The following DPP10 variants were observed in gnomAD, a reference collection of about 807,000 sequenced individuals.
DPP10 encodes the protein dipeptidyl peptidase like 10.
Under a neutral mutation model 120.9 loss-of-function variants are expected in DPP10, and 33 were observed. The ratio of observed to expected loss-of-function variants is 0.27; its 90% CI spans 0.21 to 0.37. DPP10 has a LOEUF of 0.37. Ranked by LOEUF, DPP10 falls within the 10% of genes least tolerant of loss-of-function variation. DPP10 has a pLI of 1.00. For missense variants in DPP10, 816 were observed against 942.8 expected (o/e 0.87, Z 1.76); for synonymous variants, 337 against 326.1 (o/e 1.03, Z -0.36).
At chr2:115,431,982 C>T (rs573956983) in intron 3 of DPP10, among the ~76,000 whole-genome samples, 6 of 152,066 alleles carry the variant, frequency 3.9e-5, no homozygotes, top group East Asian at 3.9e-4. Context: ...CCAAGGGAAA[C>T]GGGAAATCTG....
At chr2:115,220,177 C>T (rs2057062546) in intron 1 of DPP10, among the ~76,000 whole-genome samples, 1 of 151,840 alleles carries the variant, frequency 6.6e-6, no homozygotes, top group Admixed American at 6.6e-5. Context: ...TGTTCCAAAC[C>T]AGATTATCTA....
At chr2:114,615,416 G>C (rs564204740) in intron 1 of DPP10, among the ~76,000 whole-genome samples, 18 of 152,180 alleles carry the variant, frequency 1.2e-4, no homozygotes, top group South Asian at 8.3e-4. Flanking sequence ...CTTTAAAATA[G>C]AGTTAAGCAG....
chr2:114,448,471 T>G (rs779142569), intron 1 of DPP10, among the ~76,000 whole-genome samples: 9 of 152,160 alleles, frequency 5.9e-5, no homozygotes. Context: ...TAAGCTAAGA[T>G]AGTGGTTATC....
rs2086682105 is a variant in DPP10 at position 115,640,390 on chromosome 2, A to C, written c.442-49297A>C. Among the ~76,000 whole-genome samples the C allele has an allele frequency of 3.3e-5, 5 of 149,942 alleles. No homozygotes were observed. The Admixed American group carries it at 3.3e-4, about 10-fold the overall frequency. ...GGACCCAGCACTTACAACTACTATG[A>C]CCTCTTCCATCTTTATGTGTCTTCA... On this transcript the variant is annotated intron_variant, in intron 5 of 25. Transcript: ENST00000410059.
intron 1 of DPP10, among the ~76,000 whole-genome samples, chr2:114,942,331 A>ATATATATATG (rs1696998165): frequency 5.9e-5 from 7 of 119,330 alleles, no homozygotes; most frequent in Non-Finnish European, 8.2e-5. Context: ...ACACACACAT[A>ATATATATATG]TATATATACG....
intron 1 of DPP10, among the ~76,000 whole-genome samples, chr2:115,202,067 T>G (rs962201947): frequency 2.0e-5 from 3 of 152,150 alleles, no homozygotes; most frequent in South Asian, 2.1e-4. Flanking sequence ...GTTTTACATT[T>G]GATCAGAACT....
intron 3 of DPP10, among the ~76,000 whole-genome samples, chr2:115,389,266 CACACACACACAA>C (rs913673942): frequency 6.7e-5 from 7 of 104,330 alleles, no homozygotes; most frequent in East Asian, 5.3e-4. Flanking sequence ...TTACTAAACA[CACACACACACAA>C]ACACACACAC....
chr2:114,936,153 C>T (rs1696449413), intron 1 of DPP10, among the ~76,000 whole-genome samples: 1 of 152,036 alleles, frequency 6.6e-6, no homozygotes, highest in Non-Finnish European at 1.5e-5. Context: ...CCCACCCTTT[C>T]CCCAAGTCCC....
chr2:114,497,637 C>T (rs965066259), intron 1 of DPP10, among the ~76,000 whole-genome samples: 8 of 152,002 alleles, frequency 5.3e-5, no homozygotes, highest in Non-Finnish European at 1.2e-4. Context: ...TCCCAACAGC[C>T]TTGTTAGAGA....
intron 5 of DPP10, among the ~76,000 whole-genome samples, chr2:115,555,198 A>G (rs1354653204): frequency 1.3e-5 from 2 of 152,048 alleles, no homozygotes; most frequent in East Asian, 3.9e-4. Flanking sequence ...AGAATATATT[A>G]TTTCCTATTT....
chr2:115,386,397 G>T (rs1175749870), intron 3 of DPP10, among the ~76,000 whole-genome samples: 3 of 152,128 alleles, frequency 2.0e-5, no homozygotes, highest in Non-Finnish European at 2.9e-5. Context: ...AGAGCACTCA[G>T]TGATGCGAGC....
intron 1 of DPP10, among the ~76,000 whole-genome samples, chr2:115,308,515 C>G (rs899006175): frequency 1.3e-5 from 2 of 152,012 alleles, no homozygotes; most frequent in Non-Finnish European, 2.9e-5. Flanking sequence ...CTAGTCAACA[C>G]AGGAGAGCAC....
chr2:115,588,375 TCA>T, intron 5 of DPP10, among the ~76,000 whole-genome samples: 1 of 152,320 alleles, frequency 6.6e-6, no homozygotes, highest in Admixed American at 6.5e-5. Context: ...CAAAAATCAT[TCA>T]GTCTATTCAT....
intron 1 of DPP10, among the ~76,000 whole-genome samples, chr2:114,633,438 A>G (rs1378055840): frequency 2.0e-5 from 3 of 150,314 alleles, no homozygotes; most frequent in African/African-American, 7.4e-5. Flanking sequence ...TTTTTTTAGT[A>G]GAGACAGGGT....
chr2:115,556,680 A>G (rs1369812086), intron 5 of DPP10, among the ~76,000 whole-genome samples: 4 of 152,150 alleles, frequency 2.6e-5, no homozygotes, highest in Non-Finnish European at 4.4e-5. Context: ...TGTCTTAACC[A>G]ATAACTATTT....
chr2:114,531,402 TGAAA>T (rs1266783655), intron 1 of DPP10, among the ~76,000 whole-genome samples: 6 of 151,614 alleles, frequency 4.0e-5, no homozygotes, highest in Admixed American at 2.0e-4. Flanking sequence ...GTATTTATTA[TGAAA>T]GAAAGAAAGA....
chr2:115,037,380 T>C (rs1704298742), intron 1 of DPP10, among the ~76,000 whole-genome samples: 1 of 152,238 alleles, frequency 6.6e-6, no homozygotes, highest in Non-Finnish European at 1.5e-5. Context: ...CTGTCCACAT[T>C]GTTTCAAAAC....
intron 1 of DPP10, among the ~76,000 whole-genome samples, chr2:114,626,170 C>T (rs1171473475): frequency 2.0e-5 from 3 of 151,616 alleles, no homozygotes; most frequent in East Asian, 3.9e-4. Flanking sequence ...CCTTAATCCA[C>T]ACTACATATA....
At chr2:114,746,714 G>A (rs1188684995) in intron 1 of DPP10, among the ~76,000 whole-genome samples, 4 of 152,244 alleles carry the variant, frequency 2.6e-5, no homozygotes, top group Non-Finnish European at 1.5e-5. Context: ...AGGAGAGCCA[G>A]GAAACAGATT....
Sources: allele counts gnomAD v4.1 joint callset (sites outside exome capture counted in the v4.1 genomes callset), GRCh38; gene constraint gnomAD v4.1.1; transcripts MANE v1.5; gene names NCBI Gene and HGNC (gene_info 2026-07-23, HGNC 2026-07-21).